The following LARP6 variants were observed in gnomAD, a reference collection of about 807,000 sequenced individuals.
LARP6 encodes the protein La ribonucleoprotein 6, translational regulator, also known as la-related protein 6.
A neutral mutation model predicts 32.8 loss-of-function variants in LARP6; 18 were observed. The ratio of observed to expected loss-of-function variants is 0.55; its 90% confidence interval spans 0.38 to 0.81. The LOEUF (loss-of-function observed/expected upper bound fraction) is 0.81. LARP6 is among the 40% of genes least tolerant of loss of function. The pLI is 0.00. For missense variants in LARP6, 598 were observed against 663.1 expected (o/e 0.90, Z 1.08); for synonymous variants, 289 against 267.2 (o/e 1.08, Z -0.80).
At chr15:70,851,037 T>C (rs2032438084) in intron 1 of LARP6, among the ~76,000 whole-genome samples, 1 of 152,108 alleles carries the variant, frequency 6.6e-6, no homozygotes, top group African/African-American at 2.4e-5. Flanking sequence ...TAAAAGACAA[T>C]TGTGGCACAA....
At chr15:70,840,270 T>C (rs1180308471) in intron 1 of LARP6, among the ~76,000 whole-genome samples, 4 of 152,204 alleles carry the variant, frequency 2.6e-5, no homozygotes, top group African/African-American at 9.6e-5. Context: ...CCGGGCGCGG[T>C]GGCTCACGCC....
At position 70,832,179 on chromosome 15, in the gene LARP6, G is replaced by A. The variant is rs1281107814; in HGVS notation, c.1349C>T (p.Thr450Met). 2.0e-5 allele frequency: 33 copies of A among 1,613,804 alleles called. No homozygotes were observed. In the Admixed American group the frequency reaches 2.3e-4, roughly 11 times the overall value. The change falls in exon 3 of 3, where the codon ACG (threonine) becomes ATG (methionine). Residue 450 changes from threonine to methionine, a missense_variant. By Grantham distance (81) the Thr-to-Met change is moderately conservative. This residue lies in a region of LARP6 where 368 missense variants were observed against 397.9 expected (regional missense o/e 0.92). Coordinates refer to ENST00000299213, the MANE Select transcript of LARP6 (RefSeq NM_018357.4). Reference sequence around the variant, plus strand: ...CATCTTCCGGGAGAGCAGGGGACTCGTACCGGGGCTTTTCTCCTGGGTCCC... The same window carrying A: ...CATCTTCCGGGAGAGCAGGGGACTCATACCGGGGCTTTTCTCCTGGGTCCC... Reference protein sequence around the residue: ...EMGTQEKSPGTSPLLSRKMQT... With the variant: ...EMGTQEKSPGMSPLLSRKMQT...
chr15:70,839,437 CAAAA>C (rs10580315), intron 1 of LARP6, among the ~76,000 whole-genome samples: 15 of 130,000 alleles, frequency 1.2e-4, no homozygotes, highest in African/African-American at 4.2e-4. Flanking sequence ...GAGACTGTCT[CAAAA>C]AAAAAAAAAA....
At chr15:70,852,461 C>A (rs897575084) in intron 1 of LARP6, 1 of 260,692 alleles carries the variant, frequency 3.8e-6, no homozygotes, top group Non-Finnish European at 7.8e-6. Flanking sequence ...GCTAATGATA[C>A]AATCTCACAA....
chr15:70,837,400 A>T (rs4777313), intron 1 of LARP6, among the ~76,000 whole-genome samples: 80,137 of 151,734 alleles, frequency 0.53, 22,054 homozygotes, highest in Admixed American at 0.71. Flanking sequence ...TAATAATAAT[A>T]ATTATTATAA....
chr15:70,851,227 C>T (rs527898628), intron 1 of LARP6, among the ~76,000 whole-genome samples: 3 of 152,134 alleles, frequency 2.0e-5, no homozygotes, highest in South Asian at 4.2e-4. Flanking sequence ...TCAAATGGTT[C>T]GGGGAAAACA....
In LARP6 at chr15:70,832,419, A is replaced by G. The variant is rs1430808837; in HGVS notation, c.1109T>C (p.Phe370Ser). The G allele has an allele frequency of 6.3e-7, 1 of 1,591,356 alleles. No individual in the cohort carries two copies. Among genetic ancestry groups the G allele is most frequent in the Non-Finnish European group, 8.6e-7 (1 of 1,169,336 alleles). Residue 370 changes from phenylalanine (F) to serine (S), a missense_variant, in exon 3 of 3, where the codon TTT becomes TCT. Phe to Ser is a radical substitution (Grantham distance 155). This residue lies in a region of LARP6 where 368 missense variants were observed against 397.9 expected (regional missense o/e 0.92). Coordinates refer to ENST00000299213, the MANE Select transcript of LARP6 (RefSeq NM_018357.4). ...GCACGGGGAGGCATTTGGACTCAGAAAGAGATTCTGGTGGCCAGACGGGCT... is the reference window on the plus strand; with the variant it reads ...GCACGGGGAGGCATTTGGACTCAGAGAGAGATTCTGGTGGCCAGACGGGCT... ...KLSPSGHQNL[F>S]LSPNASPCTS...
chr15:70,833,684 A>C (rs2032096897), intron 2 of LARP6, among the ~76,000 whole-genome samples: 1 of 152,242 alleles, frequency 6.6e-6, no homozygotes, highest in African/African-American at 2.4e-5. Flanking sequence ...ATTACTTCCA[A>C]TATTACATGC....
intron 2 of LARP6, among the ~76,000 whole-genome samples, chr15:70,833,727 T>C (rs2141048987): frequency 6.6e-6 from 1 of 152,380 alleles, no homozygotes; most frequent in South Asian, 2.1e-4. Context: ...GATTTTAACA[T>C]TCAAATGCTT....
Position 70,854,014 on chromosome 15 carries a change from G to C in LARP6, c.75C>G (p.Ala25=), listed in dbSNP as rs560760507. 1.3e-5 allele frequency: 19 copies of C among 1,458,200 alleles called. No individual in the cohort carries two copies. The East Asian group carries it at 5.2e-4, about 40-fold the overall frequency. 90.3% of individuals were successfully genotyped at this position (1,458,200 alleles called of 1,614,324 possible). The change falls in exon 1 of 3, where the codon GCC becomes GCG. Residue 25 remains alanine, a synonymous_variant. Transcript: ENST00000299213. ...CGTCCTCCAACTCGTCCACGTCCTC[G>C]GCCTCCTGGATGGCGACGCGGATCT... ...AVQIRVAIQE[A]EDVDELEDEE...
chr15:70,844,463 G>T (rs2032313411), intron 1 of LARP6, among the ~76,000 whole-genome samples: 1 of 151,596 alleles, frequency 6.6e-6, no homozygotes, highest in Admixed American at 6.6e-5. Flanking sequence ...ATTCCATTCG[G>T]TAACTAATAT....
chr15:70,830,311 T>C lies in LARP6; in HGVS notation c.*1741A>G, dbSNP rs2032017169. 6.6e-6 allele frequency: 1 copy of C among 152,270 alleles called. No individual in the cohort carries two copies. The highest frequency in any genetic ancestry group is 2.4e-5 in the African/African-American group (1 of 41,474). The allele number at this position is 152,270 out of a possible 1,614,324, so 9.4% of individuals were successfully genotyped here. A position where few individuals can be genotyped will look rare whatever the true frequency, so the allele number is the denominator to read the frequency against. The stretch of plus-strand genomic sequence containing the variant: ...TGTCCATTTTCACAAGTTTGGGATA[T>C]TATTTTCCTACTTCAGCAGCTGCAT... On this transcript the variant is annotated 3_prime_UTR_variant, in exon 3 of 3. Coordinates refer to ENST00000299213, the MANE Select transcript of LARP6 (RefSeq NM_018357.4).
chr15:70,837,433 T>A (rs1033961441), intron 1 of LARP6, among the ~76,000 whole-genome samples: 1 of 152,178 alleles, frequency 6.6e-6, no homozygotes. Context: ...CTGACATATA[T>A]GTGGCGCTCT....
At chr15:70,848,783 C>T (rs1016118608) in intron 1 of LARP6, 9 of 151,628 alleles carry the variant, frequency 5.9e-5, no homozygotes, top group Non-Finnish European at 1.0e-4. Context: ...AGGGAAAAGA[C>T]AGCCTGTACA....
At chr15:70,834,501 G>A (rs748559518) in intron 2 of LARP6, among the ~76,000 whole-genome samples, 4 of 152,228 alleles carry the variant, frequency 2.6e-5, no homozygotes, top group Non-Finnish European at 5.9e-5. Context: ...AAAACAGCTA[G>A]GGAGGGAGCA....
intron 1 of LARP6, among the ~76,000 whole-genome samples, chr15:70,848,221 C>T (rs2032382434): frequency 1.3e-5 from 2 of 152,160 alleles, no homozygotes; most frequent in Non-Finnish European, 2.9e-5. Context: ...GTTATGCTTG[C>T]GTGGCCCATG....
chr15:70,844,884 CTT>C (rs2032319687), intron 1 of LARP6, among the ~76,000 whole-genome samples: 1 of 152,162 alleles, frequency 6.6e-6, no homozygotes, highest in Non-Finnish European at 1.5e-5. Flanking sequence ...ATTTTTGAGT[CTT>C]TTGTTTCAAC....
rs747328664 is a variant in LARP6 at position 70,832,461 on chromosome 15, G to C, written c.1067C>G (p.Ala356Gly). The C allele has an allele frequency of 6.4e-7, 1 of 1,552,006 alleles. No homozygotes were observed. Among genetic ancestry groups the C allele is most frequent in the African/African-American group, 1.4e-5 (1 of 72,752 alleles). ...AGACGGGCTGAGCTTGTTGGTGGCC[G>C]CGTGCCGTCGGCCCGCCATAGGGGA... is the stretch of plus-strand genomic sequence containing the variant. Reference protein sequence around the residue: ...PTSPMAGRRHAATNKLSPSGH... With the variant: ...PTSPMAGRRHGATNKLSPSGH... Residue 356 changes from alanine to glycine, a missense_variant, in exon 3 of 3, where the codon GCG becomes GGG. By Grantham distance (60) the Ala-to-Gly change is moderately conservative (BLOSUM62 0). Coordinates refer to ENST00000299213, the MANE Select transcript of LARP6 (RefSeq NM_018357.4).
rs778158575 is a variant in LARP6, at chr15:70,836,474, G to A, written c.232C>T (p.Arg78Cys). Reference sequence around the variant, plus strand: ...TTCCACTCCTGCTCCAGGTCCTCACGCTCGTTCTCACCTCCACTTGCAGTG... The same window carrying A: ...TTCCACTCCTGCTCCAGGTCCTCACACTCGTTCTCACCTCCACTTGCAGTG... ...GTTASGGENE[R>C]EDLEQEWKPP... Residue 78 changes from arginine (R) to cysteine (C), a missense_variant, in exon 2 of 3, where the codon CGT (arginine) becomes TGT (cysteine). Coordinates refer to ENST00000299213, the MANE Select transcript of LARP6 (RefSeq NM_018357.4). The A allele has an allele frequency of 9.3e-6, 15 of 1,614,082 alleles. No individual in the cohort carries two copies. Among genetic ancestry groups the A allele is most frequent in the South Asian group, 2.2e-5 (2 of 91,062 alleles).
Sources: allele counts gnomAD v4.1 joint callset (sites outside exome capture counted in the v4.1 genomes callset), GRCh38; gene constraint gnomAD v4.1.1; regional missense constraint gnomAD v4.1.1; transcripts MANE v1.5; gene names NCBI Gene and HGNC (gene_info 2026-07-23, HGNC 2026-07-21).